The following TPR variants were observed in gnomAD, a reference collection of about 807,000 sequenced individuals.
TPR encodes the protein nucleoprotein TPR.
A neutral mutation model predicts 316.1 loss-of-function variants in TPR; 51 were observed. That is an observed-to-expected ratio of 0.16 (90% CI 0.13 to 0.20). The LOEUF (loss-of-function observed/expected upper bound fraction) is 0.20. TPR is among the 10% of genes least tolerant of loss of function. The probability of loss-of-function intolerance (pLI) is 1.00; values close to 1 mark genes in which losing one functional copy is unlikely to be tolerated. For synonymous variants in TPR, 981 were observed against 914.7 expected, an observed-to-expected ratio of 1.07 and a Z score of -1.31; for missense variants, 2,272 against 2,754.8, an observed-to-expected ratio of 0.82 and a Z score of 3.92.
chr1:186,323,861 T>A lies in TPR; in HGVS notation c.6122A>T (p.Asn2041Ile). Residue 2041 changes from asparagine (N) to isoleucine (I), a missense_variant, in exon 43 of 51, where the codon AAT (asparagine) becomes ATT (isoleucine). Asn to Ile is a moderately radical substitution (Grantham distance 149). This residue lies in a region of TPR where 435 missense variants were observed against 461.1 expected (regional missense o/e 0.94). Transcript: ENST00000367478. ...AADSQNSGEG[N>I]TGAAESSFSQ... ...AAAAGAAGATTCTGCAGCACCTGTA[T>A]TTCCTTCACCTGTAGGAAAAGAGAA... is the stretch of plus-strand genomic sequence containing the variant. 2 of 1,542,904 alleles carry A rather than the reference T, an allele frequency of 1.3e-6. No individual in the cohort carries two copies. The highest frequency in any genetic ancestry group is 1.7e-6 in the Non-Finnish European group (2 of 1,155,292).
chr1:186,374,326 T>G (rs182674346), intron 1 of TPR, among the ~76,000 whole-genome samples: 1 of 152,318 alleles, frequency 6.6e-6, no homozygotes, highest in Non-Finnish European at 1.5e-5. Context: ...AACTCCAACT[T>G]TTTAAGAGAA....
At chr1:186,333,579 CA>C (rs1338074762) in intron 36 of TPR, among the ~76,000 whole-genome samples, 185 bp from the exon 37 acceptor site, 9 of 151,954 alleles carry the variant, frequency 5.9e-5, no homozygotes, top group Non-Finnish European at 8.8e-5. Flanking sequence ...TGGTAGCATG[CA>C]ATAAAATGTT....
intron 6 of TPR, 131 bp from the exon 7 acceptor site, chr1:186,362,511 A>G (rs1659226620): frequency 1.4e-6 from 1 of 702,584 alleles, no homozygotes; most frequent in East Asian, 2.8e-5. Flanking sequence ...TAAAATATGC[A>G]TATTTAAGAA....
chr1:186,319,683 T>C (rs562719740), intron 46 of TPR, among the ~76,000 whole-genome samples: 2 of 152,294 alleles, frequency 1.3e-5, no homozygotes, highest in African/African-American at 2.4e-5. Context: ...GTAATAGTAG[T>C]ATGCATTCTC....
At chr1:186,316,718 T>A (rs1424386163) in intron 49 of TPR, among the ~76,000 whole-genome samples, 1 of 152,200 alleles carries the variant, frequency 6.6e-6, no homozygotes. Flanking sequence ...GCTATTTGAC[T>A]TTGAAGAGGT....
In TPR at chr1:186,360,752, C is replaced by T; in HGVS notation, c.1099+13G>A. ...AGTATTTCAACTCACTAACAAGCAT[C>T]TATTAGCCATACCTTTACGTTTTGT... On this transcript the variant is annotated intron_variant, in intron 10 of 50. Coordinates refer to ENST00000367478, the MANE Select transcript of TPR (RefSeq NM_003292.3). The T allele has an allele frequency of 6.2e-7, 1 of 1,612,138 alleles. No homozygotes were observed.
chr1:186,374,564 C>T (rs1209486777), intron 1 of TPR, among the ~76,000 whole-genome samples: 1 of 152,182 alleles, frequency 6.6e-6, no homozygotes, highest in Non-Finnish European at 1.5e-5. Context: ...ATATAAGGTA[C>T]TCTAGGCTTA....
intron 20 of TPR, among the ~76,000 whole-genome samples, chr1:186,350,677 A>C (rs1658834855): frequency 6.6e-6 from 1 of 152,178 alleles, no homozygotes; most frequent in African/African-American, 2.4e-5. Context: ...GACTCTCTGA[A>C]TTGAGAACAC....
intron 42 of TPR, 64 bp from the exon 43 acceptor site, chr1:186,323,934 C>T (rs776031036): frequency 6.9e-6 from 10 of 1,449,668 alleles, no homozygotes; most frequent in Non-Finnish European, 9.2e-6. Flanking sequence ...TTGGACAATC[C>T]CTAGAAGTAT....
intron 6 of TPR, 132 bp downstream of exon 6, chr1:186,362,704 TA>T (rs1376137218): frequency 6.2e-6 from 5 of 810,326 alleles, no homozygotes; most frequent in Non-Finnish European, 9.3e-6. Flanking sequence ...ACGCCAAATG[TA>T]ATGCATTATT....
chr1:186,344,138 T>A, intron 25 of TPR, 48 bp from the exon 26 acceptor site: 13 of 1,559,848 alleles, frequency 8.3e-6, no homozygotes, highest in Non-Finnish European at 1.0e-5. Context: ...AATGCATATT[T>A]AAAAAAAACA....
chr1:186,340,957 A>T (rs1360266971), intron 29 of TPR, 71 bp downstream of exon 29: 51 of 1,541,688 alleles, frequency 3.3e-5, no homozygotes, highest in Non-Finnish European at 4.5e-5. Flanking sequence ...AAATATTTTT[A>T]TTCCCCTAAG....
chr1:186,325,470 C>T (rs952219945), intron 42 of TPR: 4 of 221,592 alleles, frequency 1.8e-5, no homozygotes, highest in Admixed American at 1.0e-4. Flanking sequence ...ACAAGTAGTC[C>T]CTAATTTAAT....
chr1:186,351,337 T>C lies in TPR; in HGVS notation c.2603A>G (p.Asn868Ser). Residue 868 changes from asparagine (N) to serine (S), a missense_variant, in exon 20 of 51, where the codon AAT becomes AGT. Physicochemically the swap from Asn to Ser is conservative, Grantham distance 46. This residue lies in a region of TPR where 757 missense variants were observed against 859.8 expected (regional missense o/e 0.88). Coordinates refer to ENST00000367478, the MANE Select transcript of TPR (RefSeq NM_003292.3). The stretch of plus-strand genomic sequence containing the variant: ...GAACTCTGATGGACTCACATCTAGA[T>C]TTCTAGTAAGTGTATGCCTTTGTTC... The part of the protein sequence containing the change: ...EVEQRHTLTR[N>S]LDVQLLDTKR... 3 of 1,607,824 alleles carry C rather than the reference T, an allele frequency of 1.9e-6. No individual in the cohort carries two copies. Among genetic ancestry groups the C allele is most frequent in the Non-Finnish European group, 2.5e-6 (3 of 1,177,600 alleles).
At chr1:186,366,302 T>C (rs558123566) in intron 4 of TPR, among the ~76,000 whole-genome samples, 2 of 152,336 alleles carry the variant, frequency 1.3e-5, no homozygotes, top group Admixed American at 1.3e-4. Flanking sequence ...GTTGTGATGA[T>C]CCACTTCCAT....
At position 186,344,012 on chromosome 1, in the gene TPR, A is replaced by C; in HGVS notation, c.3496T>G (p.Leu1166Val). The part of the protein sequence containing the change: ...NRLLHDQIEK[L>V]SDKVVASVKE... ...ACAGAGGCAACGACCTTGTCACTTA[A>C]TTTTTCGATCTGATCATGAAGTAAT... The change falls in exon 26 of 51, where the codon TTA becomes GTA. Residue 1166 changes from leucine to valine, a missense_variant. Leu to Val is a conservative substitution (Grantham distance 32). Around this residue, in one of 10 missense-constraint regions of TPR, gnomAD observed 757 missense variants for 859.8 expected, o/e 0.88. Coordinates refer to ENST00000367478, the MANE Select transcript of TPR (RefSeq NM_003292.3). 1 of 1,614,088 alleles carries C rather than the reference A, an allele frequency of 6.2e-7. No individual in the cohort carries two copies. The highest frequency in any genetic ancestry group is 8.5e-7 in the Non-Finnish European group (1 of 1,180,018).
At chr1:186,331,949 AT>A (rs1326798304) in intron 38 of TPR, among the ~76,000 whole-genome samples, 5 of 152,142 alleles carry the variant, frequency 3.3e-5, no homozygotes, top group Non-Finnish European at 7.4e-5. Flanking sequence ...AATTCAACTT[AT>A]GTTTTTATGA....
Position 186,311,676 on chromosome 1 carries a change from G to T in TPR, c.*2295C>A. The T allele has an allele frequency of 7.1e-7, 1 of 1,403,784 alleles. No individual in the cohort carries two copies. The highest frequency in any genetic ancestry group is 1.2e-5 in the South Asian group (1 of 84,624). The allele number at this position is 1,403,784 out of a possible 1,614,324, so 87.0% of individuals were successfully genotyped here. On this transcript the variant is annotated 3_prime_UTR_variant, in exon 51 of 51. Coordinates refer to ENST00000367478, the MANE Select transcript of TPR (RefSeq NM_003292.3). ...ATTTTCATTTATTATTGACTTTACT[G>T]TCAAAAGATATCTTTAATGGCTGAA...
chr1:186,353,820 T>A lies in TPR; in HGVS notation c.2202A>T (p.Gly734=). 1 of 1,613,870 alleles carries A rather than the reference T, an allele frequency of 6.2e-7. No homozygotes were observed. Among genetic ancestry groups the A allele is most frequent in the Non-Finnish European group, 8.5e-7 (1 of 1,179,964 alleles). ...RYEMLQDNVE[G]YRREITSLHE... ...GAAGTGATGTTATTTCTCGACGATA[T>A]CCTTCAACATTATCTTGCAGCATTT... is the stretch of plus-strand genomic sequence containing the variant. The change falls in exon 18 of 51, where the codon GGA becomes GGT. Residue 734 remains glycine (G), a synonymous_variant. Coordinates refer to ENST00000367478, the MANE Select transcript of TPR (RefSeq NM_003292.3).
Sources: gnomAD v4.1 joint callset for allele counts (sites outside exome capture counted in the v4.1 genomes callset) on GRCh38, gnomAD v4.1.1 for gene constraint, gnomAD v4.1.1 regional missense constraint, MANE v1.5 for transcripts, NCBI Gene and HGNC (gene_info 2026-07-23, HGNC 2026-07-21) for gene names.